Variants in WRN observed in about 807,000 individuals in gnomAD.
The protein encoded by WRN is WRN RecQ like helicase, also known as bifunctional 3'-5' exonuclease/ATP-dependent helicase WRN.
A neutral mutation model predicts 180.7 loss-of-function variants in WRN; 149 were observed. The observed-to-expected ratio is 0.82, with a 90% CI of 0.72 to 0.94. The LOEUF (loss-of-function observed/expected upper bound fraction) is 0.94, where lower values mean the gene tolerates loss of function less well. WRN is among the 40% of genes least tolerant of loss of function. WRN has a pLI of 0.00. For missense variants in WRN, 1,661 were observed against 1,700.1 expected, an observed-to-expected ratio of 0.98 and a Z score of 0.40; for synonymous variants, 548 against 568.9, an observed-to-expected ratio of 0.96 and a Z score of 0.52.
chr8:31,037,373 G>A (rs1585379737), intron 1 of WRN, among the ~76,000 whole-genome samples: 1 of 152,218 alleles, frequency 6.6e-6, no homozygotes, highest in East Asian at 1.9e-4. Context: ...TCGCTTGCTT[G>A]CCTGCTGCTC....
At chr8:31,158,525 G>A (rs1803479791) in intron 33 of WRN, among the ~76,000 whole-genome samples, 1 of 151,972 alleles carries the variant, frequency 6.6e-6, no homozygotes, top group Non-Finnish European at 1.5e-5. Flanking sequence ...TGACTGTTAG[G>A]ATAGAGCAGT....
chr8:31,063,915 A>T (rs1218298361), intron 3 of WRN, among the ~76,000 whole-genome samples: 1 of 151,106 alleles, frequency 6.6e-6, no homozygotes, highest in Non-Finnish European at 1.5e-5. Flanking sequence ...TTTTGTAGAG[A>T]CATGCTGTGT....
intron 8 of WRN, among the ~76,000 whole-genome samples, chr8:31,078,659 T>A (rs1210749707): frequency 6.6e-6 from 1 of 152,224 alleles, no homozygotes; most frequent in Non-Finnish European, 1.5e-5. Context: ...CTGAAGGTAT[T>A]GGCAGTGTAT....
At chr8:31,065,406 C>T (rs1812658662) in intron 5 of WRN, among the ~76,000 whole-genome samples, 1 of 152,048 alleles carries the variant, frequency 6.6e-6, no homozygotes, top group African/African-American at 2.4e-5. Flanking sequence ...CCCTCCACCT[C>T]CCACAGTGTG....
chr8:31,143,982 A>G lies in WRN; in HGVS notation c.3383+359A>G, dbSNP rs528629675. ...AAACTTGTTCAAGAGCATACAGCTA[A>G]TGGCCGAGCTGGCTTTCAAGTCTAT... On this transcript the variant is annotated intron_variant, in intron 28 of 34. Transcript: ENST00000298139. Among the ~76,000 whole-genome samples the G allele has an allele frequency of 6.6e-5, 10 of 152,324 alleles. No individual in the cohort carries two copies. The South Asian group carries it at 2.1e-3, about 32-fold the overall frequency.
At chr8:31,134,114 A>G (rs1339254975) in intron 24 of WRN, among the ~76,000 whole-genome samples, 2 of 152,206 alleles carry the variant, frequency 1.3e-5, no homozygotes, top group African/African-American at 2.4e-5. Flanking sequence ...AAATCTGTAG[A>G]CACTAAATGC....
intron 6 of WRN, among the ~76,000 whole-genome samples, chr8:31,067,508 C>G (rs971917562): frequency 6.6e-6 from 1 of 152,066 alleles, no homozygotes; most frequent in Non-Finnish European, 1.5e-5. Context: ...ATAAATAGTA[C>G]TGATGATGGA....
intron 34 of WRN, among the ~76,000 whole-genome samples, chr8:31,170,036 T>C (rs1804045969): frequency 6.6e-6 from 1 of 152,158 alleles, no homozygotes; most frequent in African/African-American, 2.4e-5. Context: ...CTTGGGGTTC[T>C]CTTGTTATCA....
At chr8:31,131,956 G>A (rs1266804310) in intron 23 of WRN, among the ~76,000 whole-genome samples, 1 of 112,488 alleles carries the variant, frequency 8.9e-6, no homozygotes, top group Non-Finnish European at 1.8e-5. Flanking sequence ...TAAGCTGAAA[G>A]GCTTTTTTTT....
At chr8:31,087,485 A>C (rs554827504) in intron 11 of WRN, among the ~76,000 whole-genome samples, 1 of 152,240 alleles carries the variant, frequency 6.6e-6, no homozygotes, top group African/African-American at 2.4e-5. Flanking sequence ...AAAATGTTTT[A>C]AATTATCCAA....
Position 31,132,389 on chromosome 8 carries a change from T to G in WRN, c.2850T>G (p.Asp950Glu), listed in dbSNP as rs1012917204. 1.9e-6 allele frequency: 3 copies of G among 1,614,126 alleles called. No homozygotes were observed. The highest frequency in any genetic ancestry group is 2.5e-6 in the Non-Finnish European group (3 of 1,180,008). The change falls in exon 24 of 35, where the codon GAT (aspartate) becomes GAG (glutamate). Residue 950 changes from aspartate (D) to glutamate (E), a missense_variant. Transcript: ENST00000298139. ...GATTGGATCATTGCTATTCCATGGA[T>G]GACTCAGAGGATACATCCTGGGACT... ...RSRLDHCYSM[D>E]DSEDTSWDFG...
intron 7 of WRN, 47 bp downstream of exon 7, chr8:31,068,374 G>T (rs1319718706): frequency 1.4e-6 from 2 of 1,477,774 alleles, no homozygotes; most frequent in Non-Finnish European, 1.9e-6. Flanking sequence ...CTTTTGTGAG[G>T]TTTATCTCCA....
chr8:31,088,771 A>G (rs1339952046), intron 12 of WRN, 119 bp from the exon 13 acceptor site: 1 of 838,328 alleles, frequency 1.2e-6, no homozygotes, highest in African/African-American at 1.7e-5. Flanking sequence ...AATAGAAAAC[A>G]TTAACCCATG....
At chr8:31,077,433 G>A (rs201603419) in intron 8 of WRN, among the ~76,000 whole-genome samples, 2 of 151,826 alleles carry the variant, frequency 1.3e-5, no homozygotes, top group African/African-American at 4.8e-5. Flanking sequence ...TAGTAGAGAC[G>A]GGGTTTCACC....
rs565379582 is a variant in WRN, at chr8:31,121,682, G to T, written c.2630+1258G>T. Among the ~76,000 whole-genome samples, 8 of 151,420 alleles carry T rather than the reference G, an allele frequency of 5.3e-5. No homozygotes were observed. The South Asian group carries it at 1.7e-3, about 32-fold the overall frequency. On this transcript the variant is annotated intron_variant, in intron 21 of 34. Coordinates refer to ENST00000298139, the MANE Select transcript of WRN (RefSeq NM_000553.6). ...TCCCAAGTTAAAAAGGTCAGATAAG[G>T]CTTCCTTGTGGAAGTGATAGTTCAA...
chr8:31,061,527 A>ATTTT (rs5890548), intron 3 of WRN, among the ~76,000 whole-genome samples: 5 of 144,960 alleles, frequency 3.4e-5, no homozygotes, highest in African/African-American at 1.3e-4. Flanking sequence ...ACAGCTGTTA[A>ATTTT]TTTTTTTTTT....
In WRN at chr8:31,090,486, T is replaced by C. The variant is rs750496781; in HGVS notation, c.1674T>C (p.His558=). The change falls in exon 14 of 35, where the codon CAT becomes CAC. Residue 558 remains histidine (H), a synonymous_variant. Coordinates refer to ENST00000298139, the MANE Select transcript of WRN (RefSeq NM_000553.6). Reference sequence around the variant, plus strand: ...CAAGAGTTCAGTGGAAAGTGATTCATTCAGTATTAGAAGAAAGAAGAGATA... The same window carrying C: ...CAAGAGTTCAGTGGAAAGTGATTCACTCAGTATTAGAAGAAAGAAGAGATA... The part of the protein sequence containing the change: ...SFKPVQWKVI[H]SVLEERRDNV... 2 of 1,612,134 alleles carry C rather than the reference T, an allele frequency of 1.2e-6. No homozygotes were observed. The highest frequency in any genetic ancestry group is 2.7e-5 in the African/African-American group (2 of 74,860).
At chr8:31,131,160 C>CTTTTTTTTCTTTTTTT (rs1554530525) in intron 23 of WRN, among the ~76,000 whole-genome samples, 1 of 106,840 alleles carries the variant, frequency 9.4e-6, no homozygotes, top group Non-Finnish European at 1.8e-5. Flanking sequence ...TTGCAACTTT[C>CTTTTTTTTCTTTTTTT]TTTTTTTTTG....
Position 31,109,264 on chromosome 8 carries a change from A to G in WRN, c.2089-2351A>G, listed in dbSNP as rs1487673545. Among the ~76,000 whole-genome samples the G allele has an allele frequency of 2.0e-5, 3 of 152,356 alleles. No individual in the cohort carries two copies. In the East Asian group the frequency reaches 5.8e-4, roughly 29 times the overall value. On this transcript the variant is annotated intron_variant, in intron 18 of 34. Transcript: ENST00000298139. ...AAAATGTATCCAATGAAAACGAAGT[A>G]CTAGCTTGTTTAGTAGTAACGAAGT...
Sources: allele counts gnomAD v4.1 joint callset (sites outside exome capture counted in the v4.1 genomes callset), GRCh38; gene constraint gnomAD v4.1.1; transcripts MANE v1.5; gene names NCBI Gene and HGNC (gene_info 2026-07-23, HGNC 2026-07-21).